Variants in PRIM2 observed in about 807,000 individuals in gnomAD.
The protein encoded by PRIM2 is DNA primase large subunit.
PRIM2 carries 39 observed loss-of-function variants against 67.3 expected under a neutral mutation model. The observed-to-expected ratio is 0.58, with a 90% CI of 0.45 to 0.76. PRIM2 has a LOEUF of 0.76. Ranked by LOEUF, PRIM2 falls within the 30% of genes least tolerant of loss-of-function variation. PRIM2 has a pLI of 0.00. For missense variants in PRIM2, 398 were observed against 598.7 expected, an observed-to-expected ratio of 0.66 and a Z score of 3.50; for synonymous variants, 143 against 198.7, an observed-to-expected ratio of 0.72 and a Z score of 2.36.
the PRIM2 span, among the ~76,000 whole-genome samples, chr6:57,290,010 C>A: frequency 3.3e-5 from 5 of 151,582 alleles, no homozygotes; most frequent in African/African-American, 1.2e-4. Flanking sequence ...CACAGACTGG[C>A]AAACTAAATT....
At chr6:57,535,663 G>C (rs1370545080) in intron 9 of PRIM2, among the ~76,000 whole-genome samples, 1 of 152,132 alleles carries the variant, frequency 6.6e-6, no homozygotes, top group Non-Finnish European at 1.5e-5. Flanking sequence ...TCAGGAGTTC[G>C]AGACCAGCGT....
At chr6:57,496,930 A>G (rs1774018260) in intron 7 of PRIM2, among the ~76,000 whole-genome samples, 1 of 152,194 alleles carries the variant, frequency 6.6e-6, no homozygotes, top group Non-Finnish European at 1.5e-5. Context: ...TCCCAGCCTC[A>G]GTTGTACCAC....
chr6:57,466,431 C>T (rs1406169153), intron 7 of PRIM2, among the ~76,000 whole-genome samples: 2 of 152,214 alleles, frequency 1.3e-5, no homozygotes, highest in Non-Finnish European at 1.5e-5. Flanking sequence ...AATTTACACT[C>T]CCACAAACAG....
At chr6:57,531,722 C>G (rs1400163707) in intron 8 of PRIM2, among the ~76,000 whole-genome samples, 2 of 152,158 alleles carry the variant, frequency 1.3e-5, no homozygotes, top group African/African-American at 4.8e-5. Context: ...GTTCCCACTG[C>G]ACTGCTGACT....
intron 7 of PRIM2, among the ~76,000 whole-genome samples, chr6:57,405,300 A>T (rs1451007888): frequency 6.6e-6 from 1 of 152,252 alleles, no homozygotes; most frequent in South Asian, 2.1e-4. Context: ...AGCTGGGCAT[A>T]TGTAAATGTT....
rs1554346679 is a variant in PRIM2 at position 57,499,783 on chromosome 6, C to T, written c.694-7604C>T. Among the ~76,000 whole-genome samples the T allele has an allele frequency of 3.9e-3, 592 of 152,306 alleles. 1 individual carries two copies. Among genetic ancestry groups the T allele is most frequent in the Admixed American group, 5.9e-3 (90 of 15,298 alleles). On this transcript the variant is annotated intron_variant, in intron 7 of 13. Coordinates refer to ENST00000615550, the MANE Select transcript of PRIM2 (RefSeq NM_000947.5). ...GAAAGATAATACTTTTTCTTCTCTA[C>T]AGAATGAACCCTCAACAGTGCTCTA...
At chr6:57,579,201 GGC>G (rs1776030627) in intron 10 of PRIM2, among the ~76,000 whole-genome samples, 1 of 150,372 alleles carries the variant, frequency 6.7e-6, no homozygotes, top group Non-Finnish European at 1.5e-5. Flanking sequence ...CTCCTTCAGA[GGC>G]AGCCCTTAGG....
At chr6:57,281,836 T>C in the PRIM2 span, among the ~76,000 whole-genome samples, 5 of 152,162 alleles carry the variant, frequency 3.3e-5, no homozygotes, top group African/African-American at 1.2e-4. Context: ...TCTCCTTATG[T>C]TTATTAAAAA....
chr6:57,638,045 G>A (rs1408368725), intron 13 of PRIM2, among the ~76,000 whole-genome samples: 12 of 152,062 alleles, frequency 7.9e-5, no homozygotes, highest in South Asian at 6.2e-4. Context: ...GACTAACAGC[G>A]GATCTCTCTG....
At chr6:57,581,983 G>C (rs1394009220) in intron 10 of PRIM2, among the ~76,000 whole-genome samples, 1 of 152,134 alleles carries the variant, frequency 6.6e-6, no homozygotes, top group African/African-American at 2.4e-5. Context: ...TACAGGCATG[G>C]GGCAACATGC....
chr6:57,338,453 T>C (rs1252987972), intron 5 of PRIM2, among the ~76,000 whole-genome samples: 1 of 150,666 alleles, frequency 6.6e-6, no homozygotes, highest in African/African-American at 2.5e-5. Context: ...GATGCAAAAA[T>C]CCTCAATAAA....
intron 8 of PRIM2, among the ~76,000 whole-genome samples, chr6:57,527,989 G>C (rs1264594215): frequency 4.7e-4 from 72 of 151,708 alleles, no homozygotes; most frequent in African/African-American, 1.7e-3. Flanking sequence ...TTTGAGACAG[G>C]GTCTCAATCC....
chr6:57,403,443 T>A (rs1415565793), intron 7 of PRIM2, among the ~76,000 whole-genome samples: 1 of 151,706 alleles, frequency 6.6e-6, no homozygotes, highest in Non-Finnish European at 1.5e-5. Context: ...TTGTATTTTT[T>A]AGTAGAGACG....
At chr6:57,379,031 C>A (rs1468588997) in intron 5 of PRIM2, among the ~76,000 whole-genome samples, 12 of 129,272 alleles carry the variant, frequency 9.3e-5, no homozygotes, top group Non-Finnish European at 1.9e-4. Context: ...TAGTTACAAT[C>A]TGCATTTTTA....
At chr6:57,555,711 C>T (rs1775501136) in intron 10 of PRIM2, among the ~76,000 whole-genome samples, 1 of 152,138 alleles carries the variant, frequency 6.6e-6, no homozygotes, top group Non-Finnish European at 1.5e-5. Flanking sequence ...CTGGGATTCA[C>T]ATGATTTTTC....
intron 10 of PRIM2, among the ~76,000 whole-genome samples, chr6:57,548,404 G>A (rs1775331864): frequency 6.6e-6 from 1 of 152,166 alleles, no homozygotes; most frequent in African/African-American, 2.4e-5. Flanking sequence ...AGGTACAGAG[G>A]GTGACTGTGC....
At chr6:57,244,297 C>T in the PRIM2 span, among the ~76,000 whole-genome samples, 2 of 152,220 alleles carry the variant, frequency 1.3e-5, no homozygotes, top group South Asian at 2.1e-4. Flanking sequence ...GCACCAAAGG[C>T]TGTATCTCCC....
chr6:57,247,097 G>A, the PRIM2 span, among the ~76,000 whole-genome samples: 1 of 152,074 alleles, frequency 6.6e-6, no homozygotes, highest in Non-Finnish European at 1.5e-5. Flanking sequence ...CTCGTGATCC[G>A]CCCGCCTTGG....
intron 11 of PRIM2, among the ~76,000 whole-genome samples, chr6:57,602,264 T>G (rs1424130230): frequency 6.6e-6 from 1 of 152,180 alleles, no homozygotes; most frequent in Non-Finnish European, 1.5e-5. Context: ...TTTCGCCTAG[T>G]TGGCCAGGCT....
Sources: gnomAD v4.1 joint callset for allele counts (sites outside exome capture counted in the v4.1 genomes callset) on GRCh38, gnomAD v4.1.1 for gene constraint, MANE v1.5 for transcripts, NCBI Gene and HGNC (gene_info 2026-07-23, HGNC 2026-07-21) for gene names.